FAM117A: variants seen among roughly 807,000 people sequenced by gnomAD.
FAM117A encodes protein FAM117A.
A neutral mutation model predicts 44.1 loss-of-function variants in FAM117A; 21 were observed. The observed-to-expected ratio is 0.48, with a 90% CI of 0.34 to 0.69. The LOEUF (loss-of-function observed/expected upper bound fraction) is 0.69. Among genes scored for constraint, FAM117A ranks in the 30% least tolerant of loss-of-function variants. The pLI is 0.01. For missense variants in FAM117A, 498 were observed against 589.9 expected (o/e 0.84, Z 1.61); for synonymous variants, 220 against 238.3 (o/e 0.92, Z 0.71).
At chr17:49,785,518 A>C (rs1310780655) in intron 1 of FAM117A, among the ~76,000 whole-genome samples, 1 of 152,072 alleles carries the variant, frequency 6.6e-6, no homozygotes, top group Non-Finnish European at 1.5e-5. Context: ...TCTCTTAAAA[A>C]ACAAAAAACA....
At chr17:49,769,719 T>C (rs1025242119) in intron 1 of FAM117A, among the ~76,000 whole-genome samples, 48 of 151,568 alleles carry the variant, frequency 3.2e-4, no homozygotes, top group African/African-American at 1.1e-3. Flanking sequence ...AATAAATAAA[T>C]AAATAAATAA....
intron 5 of FAM117A, 98 bp from the exon 6 acceptor site, chr17:49,717,812 C>T: frequency 1.0e-6 from 1 of 961,686 alleles, no homozygotes; most frequent in Non-Finnish European, 1.5e-6. Context: ...CTGTCATTCT[C>T]TATCCATGAC....
chr17:49,764,361 T>C (rs952718030), upstream of FAM117A, among the ~76,000 whole-genome samples: 6 of 152,110 alleles, frequency 3.9e-5, no homozygotes, highest in Non-Finnish European at 8.8e-5. Flanking sequence ...GGGCTGCTGA[T>C]TGGCCTGTAC....
At chr17:49,780,899 C>T (rs937719408) in intron 1 of FAM117A, among the ~76,000 whole-genome samples, 12 of 152,100 alleles carry the variant, frequency 7.9e-5, no homozygotes, top group Non-Finnish European at 1.6e-4. Flanking sequence ...GGCACAATCT[C>T]GGCTCGCTGC....
chr17:49,758,634 A>AT (rs11423862), intron 1 of FAM117A, among the ~76,000 whole-genome samples: 3,857 of 109,476 alleles, frequency 0.035, 64 homozygotes, highest in South Asian at 0.044. Flanking sequence ...AAAAAAAAAA[A>AT]AATAAAATAA....
intron 1 of FAM117A, among the ~76,000 whole-genome samples, chr17:49,760,376 T>G (rs375187585): frequency 6.6e-6 from 1 of 152,288 alleles, no homozygotes; most frequent in East Asian, 1.9e-4. Flanking sequence ...TAGTAAATAT[T>G]TTAGGCTTTG....
At chr17:49,774,003 C>CT (rs1218779611) in intron 1 of FAM117A, among the ~76,000 whole-genome samples, 1 of 152,234 alleles carries the variant, frequency 6.6e-6, no homozygotes, top group Non-Finnish European at 1.5e-5. Flanking sequence ...ATCTGCCCGC[C>CT]TTGGCCTCCC....
Position 49,711,361 on chromosome 17 carries a change from C to T in FAM117A, c.1256G>A (p.Arg419Gln), listed in dbSNP as rs375320243. The change falls in exon 8 of 8, where the codon CGG (arginine) becomes CAG (glutamine). Residue 419 changes from arginine (R) to glutamine (Q), a missense_variant. This residue lies in a region of FAM117A where 224 missense variants were observed against 296.5 expected (regional missense o/e 0.76). Transcript: ENST00000240364. ...GGCCTTGGAGGCTTCCGGATCCTTC[C>T]GAGGTGGTGGCCTGGGGCTGGCCGG... is the stretch of plus-strand genomic sequence containing the variant. ...LPPASPRPPPRKDPEASKASP... is the reference protein window; with the variant it reads ...LPPASPRPPPQKDPEASKASP... 43 of 1,610,402 alleles carry T rather than the reference C, an allele frequency of 2.7e-5. No individual in the cohort carries two copies. In the Middle Eastern group the frequency reaches 9.9e-4, roughly 37 times the overall value.
At chr17:49,760,941 T>G (rs887373385) in intron 1 of FAM117A, among the ~76,000 whole-genome samples, 3 of 152,236 alleles carry the variant, frequency 2.0e-5, no homozygotes, top group Non-Finnish European at 4.4e-5. Context: ...TCCACTCTCT[T>G]CAGCCTTCCT....
intron 1 of FAM117A, among the ~76,000 whole-genome samples, chr17:49,749,304 G>A (rs556144016): frequency 7.3e-4 from 111 of 152,008 alleles, no homozygotes; most frequent in Non-Finnish European, 1.4e-3. Context: ...AAGGCCAGGC[G>A]CAGTGGCTCA....
intron 1 of FAM117A, among the ~76,000 whole-genome samples, chr17:49,780,300 T>C (rs1178482202): frequency 6.6e-6 from 1 of 152,228 alleles, no homozygotes; most frequent in Non-Finnish European, 1.5e-5. Context: ...TGAGGTTGAC[T>C]AGTTTGGGAA....
At chr17:49,711,720 T>TA (rs2073479567) in intron 7 of FAM117A, among the ~76,000 whole-genome samples, 165 bp from the exon 8 acceptor site, 1 of 151,896 alleles carries the variant, frequency 6.6e-6, no homozygotes, top group Non-Finnish European at 1.5e-5. Context: ...TCTCTATTTT[T>TA]AAAAAAATAT....
At chr17:49,781,408 A>G (rs1461829666) in intron 1 of FAM117A, among the ~76,000 whole-genome samples, 1 of 152,238 alleles carries the variant, frequency 6.6e-6, no homozygotes, top group African/African-American at 2.4e-5. Flanking sequence ...TTAAATTGGC[A>G]CCCTTGCACT....
At chr17:49,767,132 G>A (rs1047852561), upstream of FAM117A, among the ~76,000 whole-genome samples, 1 of 152,170 alleles carries the variant, frequency 6.6e-6, no homozygotes, top group Non-Finnish European at 1.5e-5. Flanking sequence ...CCAACCAGCT[G>A]TCTCTTATTC....
rs746599310 is a variant in FAM117A at position 49,717,697 on chromosome 17, A to C, written c.726T>G (p.Asp242Glu). The change falls in exon 6 of 8, where the codon GAT becomes GAG. Residue 242 changes from aspartate to glutamate, a missense_variant. By Grantham distance (45) the Asp-to-Glu change is conservative. This residue lies in a region of FAM117A where 224 missense variants were observed against 296.5 expected (regional missense o/e 0.76). Transcript: ENST00000240364. The stretch of plus-strand genomic sequence containing the variant: ...GGGGAGGAGCTGGGGCCCGGTGCCC[A>C]TCAGGGATATCAAGGATCTAACGGG... The part of the protein sequence containing the change: ...EELLRILDIP[D>E]GHRAPAPPQS... 4.4e-6 allele frequency: 7 copies of C among 1,608,460 alleles called. No homozygotes were observed. In the African/African-American group the frequency reaches 9.4e-5, roughly 22 times the overall value.
chr17:49,748,654 C>T (rs974005630), intron 1 of FAM117A, among the ~76,000 whole-genome samples: 1 of 152,080 alleles, frequency 6.6e-6, no homozygotes, highest in Non-Finnish European at 1.5e-5. Flanking sequence ...TAACCATGGT[C>T]AGGATTAATT....
At position 49,717,562 on chromosome 17, in the gene FAM117A, CTCA is replaced by C; in HGVS notation, c.858_860del (p.His286_Glu287delinsGln). 6.2e-7 allele frequency: 1 copy of C among 1,614,176 alleles called. No individual in the cohort carries two copies. Among genetic ancestry groups the C allele is most frequent in the Non-Finnish European group, 8.5e-7 (1 of 1,180,012 alleles). On this transcript the variant is annotated inframe_deletion, in exon 6 of 8. Coordinates refer to ENST00000240364, the MANE Select transcript of FAM117A (RefSeq NM_030802.4). ...GCTCCTCGGCGGCACCCCGATGTTC[CTCA>C]TGACTGGCCAGGCCACAAGGCTGGG...
At chr17:49,735,705 T>A (rs1198556974) in intron 1 of FAM117A, among the ~76,000 whole-genome samples, 1 of 152,172 alleles carries the variant, frequency 6.6e-6, no homozygotes, top group African/African-American at 2.4e-5. Context: ...GCTCAAGTGA[T>A]CTTCCTGCCT....
upstream of FAM117A, chr17:49,765,606 A>T (rs2073743233): frequency 6.6e-6 from 1 of 152,168 alleles, no homozygotes; most frequent in Non-Finnish European, 1.5e-5. Context: ...CAAAGAGTGT[A>T]CTCTTGCAGT....
Sources: gnomAD v4.1 joint callset for allele counts (sites outside exome capture counted in the v4.1 genomes callset) on GRCh38, gnomAD v4.1.1 for gene constraint, gnomAD v4.1.1 regional missense constraint, MANE v1.5 for transcripts, NCBI Gene and HGNC (gene_info 2026-07-23, HGNC 2026-07-21) for gene names.